Variants in PCDH15 observed in about 807,000 individuals in gnomAD.
PCDH15 encodes protocadherin-15.
A neutral mutation model predicts 178.5 loss-of-function variants in PCDH15; 129 were observed. The ratio of observed to expected loss-of-function variants is 0.72; its 90% CI spans 0.63 to 0.84. The LOEUF (loss-of-function observed/expected upper bound fraction) is 0.84. Among genes scored for constraint, PCDH15 ranks in the 40% least tolerant of loss-of-function variants. The probability of loss-of-function intolerance (pLI) is 0.00; values close to 1 mark genes in which losing one functional copy is unlikely to be tolerated. For synonymous variants in PCDH15, 800 were observed against 732.0 expected, an observed-to-expected ratio of 1.09 and a Z score of -1.50; for missense variants, 2,230 against 2,099.9, an observed-to-expected ratio of 1.06 and a Z score of -1.21.
At chr10:55,328,082 G>T (rs1467647448) in intron 2 of PCDH15, among the ~76,000 whole-genome samples, 1 of 152,014 alleles carries the variant, frequency 6.6e-6, no homozygotes, top group South Asian at 2.1e-4. Context: ...ACGAAACTTT[G>T]TATGCTGTTA....
chr10:55,491,320 T>C (rs1315720354), intron 2 of PCDH15, among the ~76,000 whole-genome samples: 1 of 151,772 alleles, frequency 6.6e-6, no homozygotes, highest in Non-Finnish European at 1.5e-5. Flanking sequence ...TCAGCAATCC[T>C]GGTAGAAAGG....
chr10:54,823,199 C>G (rs1953075195), intron 3 of PCDH15, among the ~76,000 whole-genome samples: 1 of 96,200 alleles, frequency 1.0e-5, no homozygotes, highest in South Asian at 4.4e-4. Context: ...TTTAAAACAC[C>G]AGCATAAACA....
At chr10:55,083,154 A>G (rs934370063) in intron 2 of PCDH15, among the ~76,000 whole-genome samples, 8 of 151,968 alleles carry the variant, frequency 5.3e-5, no homozygotes, top group African/African-American at 1.7e-4. Flanking sequence ...ATTTGCAAAA[A>G]AAAACACTAG....
rs182409643 is a variant in PCDH15 at position 54,220,694 on chromosome 10, G to A, written c.986-6646C>T. On this transcript the variant is annotated intron_variant, in intron 9 of 37. Transcript: ENST00000644397. ...CAAAAAATTAGCCGGGCGTGGTGGC[G>A]GGCGCCTGTAGTCCTAGCTACTCCG... is the stretch of plus-strand genomic sequence containing the variant. Among the ~76,000 whole-genome samples the A allele has an allele frequency of 9.6e-3, 1,465 of 152,068 alleles. 20 individuals carry two copies. The highest frequency in any genetic ancestry group is 0.031 in the African/African-American group (1,267 of 41,524).
intron 3 of PCDH15, among the ~76,000 whole-genome samples, chr10:54,426,661 AT>A (rs199628309): frequency 1.6e-3 from 234 of 150,780 alleles, no homozygotes; most frequent in Non-Finnish European, 2.6e-3. Context: ...TGAAAATTAG[AT>A]TTTTTTTTTA....
intron 2 of PCDH15, among the ~76,000 whole-genome samples, chr10:55,356,111 T>A (rs1845072410): frequency 6.6e-6 from 1 of 151,956 alleles, no homozygotes; most frequent in Admixed American, 6.6e-5. Context: ...AATTAAGTGT[T>A]CAACAATTTG....
At chr10:54,505,760 C>T (rs1403225572) in intron 3 of PCDH15, among the ~76,000 whole-genome samples, 4 of 151,784 alleles carry the variant, frequency 2.6e-5, no homozygotes, top group African/African-American at 7.3e-5. Flanking sequence ...CAAAACTGCA[C>T]GTTCTGCACG....
chr10:54,825,125 T>C (rs1953104724), intron 3 of PCDH15, among the ~76,000 whole-genome samples: 1 of 152,036 alleles, frequency 6.6e-6, no homozygotes, highest in Non-Finnish European at 1.5e-5. Flanking sequence ...CATGCGGTGT[T>C]TGGTTTTTTG....
intron 2 of PCDH15, among the ~76,000 whole-genome samples, chr10:55,037,850 A>G (rs1441046668): frequency 6.6e-6 from 1 of 152,180 alleles, no homozygotes; most frequent in African/African-American, 2.4e-5. Context: ...CTTTATTCTT[A>G]TCATAGTGTT....
chr10:54,038,984 C>G (rs2135495396), intron 18 of PCDH15, among the ~76,000 whole-genome samples: 1 of 151,964 alleles, frequency 6.6e-6, no homozygotes, highest in East Asian at 1.9e-4. Flanking sequence ...ACCCCTGTGC[C>G]CAGAGACGTA....
chr10:54,088,669 C>T lies in PCDH15; in HGVS notation c.1997+1315G>A, dbSNP rs569565866. Among the ~76,000 whole-genome samples, 6 of 152,214 alleles carry T rather than the reference C, an allele frequency of 3.9e-5. No individual in the cohort carries two copies. The South Asian group carries it at 1.0e-3, about 26-fold the overall frequency. Reference sequence around the variant, plus strand: ...TCTGTATTTTCTTCTATGTGGAATGCAGTTTTATCTCATATATTGCAATTT... The same window carrying T: ...TCTGTATTTTCTTCTATGTGGAATGTAGTTTTATCTCATATATTGCAATTT... On this transcript the variant is annotated intron_variant, in intron 16 of 37. Coordinates refer to ENST00000644397, the MANE Select transcript of PCDH15 (RefSeq NM_001384140.1).
intron 2 of PCDH15, among the ~76,000 whole-genome samples, chr10:55,451,659 C>A (rs1362559611): frequency 6.6e-6 from 1 of 152,054 alleles, no homozygotes; most frequent in East Asian, 1.9e-4. Flanking sequence ...ATGTGTGATA[C>A]TACCAAAGAT....
intron 21 of PCDH15, among the ~76,000 whole-genome samples, chr10:53,967,515 T>C (rs1267311580): frequency 6.6e-6 from 1 of 152,178 alleles, no homozygotes; most frequent in African/African-American, 2.4e-5. Flanking sequence ...CAAGTGTTCC[T>C]TTCAGTTTGG....
At chr10:55,186,445 A>G (rs1839801776) in intron 1 of PCDH15, among the ~76,000 whole-genome samples, 1 of 151,334 alleles carries the variant, frequency 6.6e-6, no homozygotes, top group South Asian at 2.1e-4. Context: ...TATATATACA[A>G]TAATTTTAAT....
chr10:55,389,815 C>T (rs967164983), intron 2 of PCDH15, among the ~76,000 whole-genome samples: 1 of 151,816 alleles, frequency 6.6e-6, no homozygotes, highest in Non-Finnish European at 1.5e-5. Flanking sequence ...ATATTAAATA[C>T]CAAAAAATGC....
chr10:55,245,175 G>C (rs1277842359), intron 1 of PCDH15, among the ~76,000 whole-genome samples: 1 of 151,986 alleles, frequency 6.6e-6, no homozygotes, highest in Non-Finnish European at 1.5e-5. Context: ...AGAAGTTACT[G>C]CTTCAGTTCT....
At chr10:55,572,350 C>G (rs1370295246) in intron 2 of PCDH15, among the ~76,000 whole-genome samples, 2 of 151,522 alleles carry the variant, frequency 1.3e-5, no homozygotes, top group Admixed American at 1.3e-4. Flanking sequence ...GTCTCCTTCA[C>G]ACTTGTTTTT....
intron 5 of PCDH15, among the ~76,000 whole-genome samples, chr10:54,355,827 T>C (rs72801256): frequency 0.12 from 18,462 of 152,042 alleles, 1,200 homozygotes; most frequent in Middle Eastern, 0.2. Context: ...TGTGCAAACC[T>C]TTACATTAGT....
At chr10:54,925,665 G>T (rs868559581) in intron 2 of PCDH15, among the ~76,000 whole-genome samples, 3 of 151,984 alleles carry the variant, frequency 2.0e-5, no homozygotes, top group African/African-American at 4.8e-5. Flanking sequence ...TCACCTCCCT[G>T]GTTAGCTGTA....
Sources: allele counts gnomAD v4.1 joint callset (sites outside exome capture counted in the v4.1 genomes callset), GRCh38; gene constraint gnomAD v4.1.1; transcripts MANE v1.5; gene names NCBI Gene and HGNC (gene_info 2026-07-23, HGNC 2026-07-21).